Variants in CFAP91 observed in about 807,000 individuals in gnomAD.
The protein encoded by CFAP91 is cilia- and flagella-associated protein 91.
A neutral mutation model predicts 95.9 loss-of-function variants in CFAP91; 85 were observed. That is an observed-to-expected ratio of 0.89 (90% confidence interval 0.74 to 1.06). The LOEUF is 1.06. Ranked by LOEUF, CFAP91 falls within the 50% of genes least tolerant of loss-of-function variation. CFAP91 has a pLI of 0.00. For synonymous variants in CFAP91, 335 were observed against 327.5 expected, an observed-to-expected ratio of 1.02 and a Z score of -0.25; for missense variants, 962 against 943.4, an observed-to-expected ratio of 1.02 and a Z score of -0.26.
chr3:119,712,582 A>C (rs1216525351), intron 5 of CFAP91, among the ~76,000 whole-genome samples: 1 of 152,250 alleles, frequency 6.6e-6, no homozygotes, highest in Non-Finnish European at 1.5e-5. Context: ...TGAAAACATA[A>C]GAAGCCATAT....
At position 119,751,031 on chromosome 3, in the gene CFAP91, G is replaced by A. The variant is rs751902326; in HGVS notation, c.2238G>A (p.Glu746=). Residue 746 remains glutamate, a synonymous_variant, in exon 17 of 18, where the codon GAG becomes GAA. Coordinates refer to ENST00000273390, the MANE Select transcript of CFAP91 (RefSeq NM_033364.4). ...SMVQKKLTEG[E]QDEASNAAML... Reference sequence around the variant, plus strand: ...TTCAAAAGAAATTAACTGAGGGAGAGCAAGATGAGGCCTCAAATGCTGCCA... The same window carrying A: ...TTCAAAAGAAATTAACTGAGGGAGAACAAGATGAGGCCTCAAATGCTGCCA... The A allele has an allele frequency of 6.2e-7, 1 of 1,613,578 alleles. No individual in the cohort carries two copies. Among genetic ancestry groups the A allele is most frequent in the African/African-American group, 1.3e-5 (1 of 74,880 alleles).
chr3:119,750,090 A>G (rs990457642), intron 16 of CFAP91: 1 of 152,166 alleles, frequency 6.6e-6, no homozygotes, highest in African/African-American at 2.4e-5. Context: ...ATTACTGTGA[A>G]GTGCTAAAAA....
chr3:119,737,545 A>T (rs2054034796), intron 11 of CFAP91, 63 bp downstream of exon 11: 3 of 1,038,944 alleles, frequency 2.9e-6, no homozygotes, highest in Admixed American at 4.2e-5. Flanking sequence ...TATTCTTAGG[A>T]TAGTTTAGCT....
chr3:119,757,609 T>A (rs1340486711), intron 17 of CFAP91, among the ~76,000 whole-genome samples: 2 of 152,156 alleles, frequency 1.3e-5, no homozygotes, highest in African/African-American at 4.8e-5. Flanking sequence ...ATCATGCCAC[T>A]GCACACCAGC....
At chr3:119,704,473 C>T (rs1365857973) in intron 1 of CFAP91, among the ~76,000 whole-genome samples, 21 of 152,084 alleles carry the variant, frequency 1.4e-4, no homozygotes, top group Admixed American at 1.4e-3. Flanking sequence ...CTTTCTTTGA[C>T]CTTATGACCT....
At position 119,740,574 on chromosome 3, in the gene CFAP91, T is replaced by G. The variant is rs1180904047; in HGVS notation, c.1559T>G (p.Leu520Arg). ...ATGTTTGAAGGGAAAGAAAAGCGAC[T>G]GGAGTTGATCCAGGAGTTGCGCACC... ...NMMFEGKEKR[L>R]ELIQELRTCH... The change falls in exon 13 of 18, where the codon CTG (leucine) becomes CGG (arginine). Residue 520 changes from leucine to arginine, a missense_variant. Coordinates refer to ENST00000273390, the MANE Select transcript of CFAP91 (RefSeq NM_033364.4). 1 of 1,613,756 alleles carries G rather than the reference T, an allele frequency of 6.2e-7. No homozygotes were observed. The highest frequency in any genetic ancestry group is 8.5e-7 in the Non-Finnish European group (1 of 1,179,938).
rs1489619195 is a variant in CFAP91, at chr3:119,703,337, C to T, written c.124+115C>T. The T allele has an allele frequency of 4.7e-6, 7 of 1,486,040 alleles. No individual in the cohort carries two copies. The East Asian group carries it at 1.5e-4, about 32-fold the overall frequency. 92.1% of individuals were successfully genotyped at this position (1,486,040 alleles called of 1,614,324 possible). A position where few individuals can be genotyped will look rare whatever the true frequency, so the allele number is the denominator to read the frequency against. ...AACGAAACACGACCCTCTGGACTGACCTCTTGCCCACGGTTGTCCTTGGTC... is the reference window on the plus strand; with the variant it reads ...AACGAAACACGACCCTCTGGACTGATCTCTTGCCCACGGTTGTCCTTGGTC... On this transcript the variant is annotated intron_variant, in intron 1 of 17. Coordinates refer to ENST00000273390, the MANE Select transcript of CFAP91 (RefSeq NM_033364.4).
chr3:119,722,700 G>A (rs2053710500), intron 6 of CFAP91, among the ~76,000 whole-genome samples: 1 of 151,952 alleles, frequency 6.6e-6, no homozygotes, highest in Non-Finnish European at 1.5e-5. Context: ...TCATTATGTT[G>A]CCCAGGCTGG....
intron 6 of CFAP91, chr3:119,716,074 A>C: frequency 2.0e-6 from 1 of 499,856 alleles, no homozygotes. Context: ...ACTTCTTTAA[A>C]CATAAGCTTT....
At chr3:119,703,651 T>G (rs1043924234) in intron 1 of CFAP91, among the ~76,000 whole-genome samples, 2 of 152,276 alleles carry the variant, frequency 1.3e-5, no homozygotes, top group African/African-American at 2.4e-5. Flanking sequence ...TTTTAGGTTT[T>G]TTGTTGTTGT....
At chr3:119,760,319 A>T (rs191859972) in intron 17 of CFAP91, among the ~76,000 whole-genome samples, 26 of 151,992 alleles carry the variant, frequency 1.7e-4, no homozygotes, top group Admixed American at 2.6e-4. Context: ...AAAGGGGTCG[A>T]TTCATCAAGA....
chr3:119,751,165 T>C, intron 17 of CFAP91, 67 bp downstream of exon 17: 1 of 1,496,412 alleles, frequency 6.7e-7, no homozygotes, highest in Non-Finnish European at 9.0e-7. Context: ...TTCAGCTTTG[T>C]GCTGTGCTCA....
At chr3:119,740,506 G>T (rs532112336) in intron 12 of CFAP91, 43 bp from the exon 13 acceptor site, 1 of 1,603,872 alleles carries the variant, frequency 6.2e-7, no homozygotes, top group South Asian at 1.1e-5. Context: ...TGGCACAAAG[G>T]GATGGTAACT....
intron 14 of CFAP91, among the ~76,000 whole-genome samples, chr3:119,744,543 G>T (rs1349870501): frequency 6.6e-6 from 1 of 152,198 alleles, no homozygotes; most frequent in East Asian, 1.9e-4. Context: ...GAACAAGGCG[G>T]CCAGGAAGGA....
chr3:119,743,198 C>T (rs1214697589), intron 13 of CFAP91, among the ~76,000 whole-genome samples: 1 of 151,288 alleles, frequency 6.6e-6, no homozygotes, highest in Non-Finnish European at 1.5e-5. Context: ...TGCAGTGGCG[C>T]CCTCTGCCTC....
intron 6 of CFAP91, among the ~76,000 whole-genome samples, chr3:119,722,035 T>TG (rs1328867694): frequency 6.6e-6 from 1 of 151,930 alleles, no homozygotes; most frequent in East Asian, 1.9e-4. Flanking sequence ...TAGCCAAGTG[T>TG]GGTGGTGCAC....
At chr3:119,730,477 C>T in intron 8 of CFAP91, 100 bp downstream of exon 8, 3 of 1,239,318 alleles carry the variant, frequency 2.4e-6, no homozygotes, top group Non-Finnish European at 3.4e-6. Flanking sequence ...CTGTTTTGGT[C>T]CTGGGAATCA....
intron 6 of CFAP91, among the ~76,000 whole-genome samples, chr3:119,722,373 C>T (rs1466676748): frequency 6.6e-6 from 1 of 151,988 alleles, no homozygotes; most frequent in Non-Finnish European, 1.5e-5. Flanking sequence ...GCAGGAGAAT[C>T]ACTTGAACCG....
chr3:119,750,975 C>G lies in CFAP91; in HGVS notation c.2182C>G (p.Gln728Glu). 2 of 1,613,954 alleles carry G rather than the reference C, an allele frequency of 1.2e-6. No homozygotes were observed. Among genetic ancestry groups the G allele is most frequent in the Non-Finnish European group, 1.7e-6 (2 of 1,179,906 alleles). Residue 728 changes from glutamine to glutamate, a missense_variant, in exon 17 of 18, where the codon CAG (glutamine) becomes GAG (glutamate). By Grantham distance (29) the Gln-to-Glu change is conservative. Transcript: ENST00000273390. ...AQRKHILAAH[Q>E]IIHSYTESMV... is the part of the protein sequence containing the mutation. ...GCGGAAACATATTCTTGCAGCCCAT[C>G]AGATCATCCACAGTTACACGGAAAG...
Sources: gnomAD v4.1 joint callset for allele counts (sites outside exome capture counted in the v4.1 genomes callset) on GRCh38, gnomAD v4.1.1 for gene constraint, MANE v1.5 for transcripts, NCBI Gene and HGNC (gene_info 2026-07-23, HGNC 2026-07-21) for gene names.